The following TAFA1 variants were observed in gnomAD, a reference collection of about 807,000 sequenced individuals.
TAFA1 encodes the protein TAFA chemokine like family member 1.
Under a neutral mutation model 18.5 loss-of-function variants are expected in TAFA1, and 4 were observed. The observed-to-expected ratio is 0.22, with a 90% CI of 0.11 to 0.49. The LOEUF is 0.49. TAFA1 is among the 20% of genes least tolerant of loss of function. TAFA1 has a pLI of 0.98. For synonymous variants in TAFA1, 56 were observed against 55.2 expected (o/e 1.01, Z -0.06); for missense variants, 147 against 169.0 (o/e 0.87, Z 0.72).
Position 68,372,533 on chromosome 3 carries a change from G to A in TAFA1, c.119-44747G>A, listed in dbSNP as rs1361234736. On this transcript the variant is annotated intron_variant, in intron 2 of 4. Transcript: ENST00000478136. ...TCTTTGGTGTTCCTCTGGGCATGTG[G>A]TCAAAATGCCATTTTTACTAATTGT... Among the ~76,000 whole-genome samples the A allele has an allele frequency of 2.0e-5, 3 of 152,276 alleles. No homozygotes were observed. The South Asian group carries it at 6.2e-4, about 32-fold the overall frequency.
At chr3:68,122,569 G>A (rs2106863478) in intron 2 of TAFA1, among the ~76,000 whole-genome samples, 1 of 152,178 alleles carries the variant, frequency 6.6e-6, no homozygotes, top group South Asian at 2.1e-4. Flanking sequence ...GAGAAAATGA[G>A]TTAAATATGA....
chr3:68,319,657 T>C (rs1328873558), intron 2 of TAFA1, among the ~76,000 whole-genome samples: 1 of 152,252 alleles, frequency 6.6e-6, no homozygotes, highest in Non-Finnish European at 1.5e-5. Flanking sequence ...AATTCATTCT[T>C]GGCTTTGTCC....
intron 2 of TAFA1, among the ~76,000 whole-genome samples, chr3:68,022,086 A>G (rs1027601160): frequency 1.3e-5 from 2 of 152,176 alleles, no homozygotes; most frequent in Admixed American, 6.5e-5. Context: ...ATTTATATTC[A>G]ATTGTGACAT....
At chr3:68,402,688 C>G (rs1474530009) in intron 2 of TAFA1, among the ~76,000 whole-genome samples, 1 of 152,204 alleles carries the variant, frequency 6.6e-6, no homozygotes, top group Non-Finnish European at 1.5e-5. Context: ...GTTATTACCT[C>G]TCAGCTAAAC....
chr3:68,148,370 G>A (rs2065767925), intron 2 of TAFA1, among the ~76,000 whole-genome samples: 2 of 152,158 alleles, frequency 1.3e-5, no homozygotes, highest in African/African-American at 4.8e-5. Flanking sequence ...GCCTGCAGAG[G>A]CCCTTATAAA....
intron 2 of TAFA1, among the ~76,000 whole-genome samples, chr3:68,116,883 A>G (rs1209609930): frequency 6.6e-6 from 1 of 152,170 alleles, no homozygotes; most frequent in Non-Finnish European, 1.5e-5. Flanking sequence ...CTTACTGTCT[A>G]TGGCTGCTTT....
intron 2 of TAFA1, among the ~76,000 whole-genome samples, chr3:68,297,832 G>T (rs1285108827): frequency 1.3e-5 from 2 of 150,212 alleles, no homozygotes; most frequent in Non-Finnish European, 3.0e-5. Flanking sequence ...AATTTTCTTT[G>T]TAAGTTAATA....
intron 3 of TAFA1, among the ~76,000 whole-genome samples, chr3:68,507,836 C>G (rs1298150590): frequency 1.3e-5 from 2 of 152,004 alleles, no homozygotes; most frequent in African/African-American, 4.8e-5. Flanking sequence ...AGTATATAAC[C>G]TAAGTAATGA....
chr3:68,106,980 A>G (rs534696163), intron 2 of TAFA1, among the ~76,000 whole-genome samples: 1 of 152,164 alleles, frequency 6.6e-6, no homozygotes, highest in Non-Finnish European at 1.5e-5. Context: ...CATTGTTGGT[A>G]GGAATGCAAA....
At chr3:68,372,007 C>A (rs1346194755) in intron 2 of TAFA1, among the ~76,000 whole-genome samples, 2 of 152,074 alleles carry the variant, frequency 1.3e-5, no homozygotes, top group Admixed American at 6.6e-5. Context: ...CTGAACATCT[C>A]GATGTAGGCT....
intron 2 of TAFA1, among the ~76,000 whole-genome samples, chr3:68,290,774 T>C (rs1339131826): frequency 1.3e-5 from 2 of 152,150 alleles, no homozygotes; most frequent in Non-Finnish European, 2.9e-5. Context: ...TCCAATATGT[T>C]TAACTATTAA....
chr3:68,069,445 C>T (rs1427736492), intron 2 of TAFA1, among the ~76,000 whole-genome samples: 1 of 152,178 alleles, frequency 6.6e-6, no homozygotes, highest in Non-Finnish European at 1.5e-5. Flanking sequence ...CCACCTCCCA[C>T]TGGGTCCCTC....
intron 2 of TAFA1, among the ~76,000 whole-genome samples, chr3:68,315,467 C>T (rs545685335): frequency 6.6e-6 from 1 of 152,262 alleles, no homozygotes; most frequent in East Asian, 1.9e-4. Flanking sequence ...TATTTCCCCA[C>T]CTTCACACCC....
At chr3:68,530,777 A>G (rs1251370193) in intron 3 of TAFA1, among the ~76,000 whole-genome samples, 2 of 152,162 alleles carry the variant, frequency 1.3e-5, no homozygotes, top group Non-Finnish European at 2.9e-5. Flanking sequence ...TCAAAAAAAA[A>G]GTGTGATAAG....
chr3:68,216,469 T>A lies in TAFA1; in HGVS notation c.119-200811T>A, dbSNP rs575187943. Among the ~76,000 whole-genome samples, 5 of 152,166 alleles carry A rather than the reference T, an allele frequency of 3.3e-5. No homozygotes were observed. The South Asian group carries it at 1.0e-3, about 32-fold the overall frequency. On this transcript the variant is annotated intron_variant, in intron 2 of 4. Coordinates refer to ENST00000478136, the MANE Select transcript of TAFA1 (RefSeq NM_213609.4). ...TTTGGAAATGTGTAGTCTGTAAAATTAAAGGAAAATAAGACTGTGCATAAG... is the reference window on the plus strand; with the variant it reads ...TTTGGAAATGTGTAGTCTGTAAAATAAAAGGAAAATAAGACTGTGCATAAG...
At chr3:68,302,511 T>C (rs1004546175) in intron 2 of TAFA1, among the ~76,000 whole-genome samples, 1 of 152,222 alleles carries the variant, frequency 6.6e-6, no homozygotes, top group African/African-American at 2.4e-5. Flanking sequence ...CCCAGCTATT[T>C]GTCCATTGCC....
intron 2 of TAFA1, among the ~76,000 whole-genome samples, chr3:68,097,041 T>A (rs950143507): frequency 2.6e-5 from 4 of 152,134 alleles, no homozygotes; most frequent in African/African-American, 7.2e-5. Flanking sequence ...TGTGCTTCTG[T>A]GAGCTGAGAG....
At chr3:68,175,567 T>C (rs1393558187) in intron 2 of TAFA1, among the ~76,000 whole-genome samples, 1 of 152,206 alleles carries the variant, frequency 6.6e-6, no homozygotes, top group Non-Finnish European at 1.5e-5. Context: ...ATGGGGCCTG[T>C]AGCCTCTTTG....
intron 3 of TAFA1, among the ~76,000 whole-genome samples, chr3:68,536,514 G>C (rs187001078): frequency 6.6e-6 from 1 of 152,134 alleles, no homozygotes; most frequent in African/African-American, 2.4e-5. Context: ...AGAAAGCATC[G>C]TAAGACAAAC....
Sources: allele counts gnomAD v4.1 joint callset (sites outside exome capture counted in the v4.1 genomes callset), GRCh38; gene constraint gnomAD v4.1.1; transcripts MANE v1.5; gene names NCBI Gene and HGNC (gene_info 2026-07-23, HGNC 2026-07-21).